The following SLC30A9 variants were observed in gnomAD, a reference collection of about 807,000 sequenced individuals.
SLC30A9 encodes proton-coupled zinc antiporter SLC30A9, mitochondrial.
In SLC30A9, 58 loss-of-function variants were observed where a neutral mutation model predicts 87.5. The observed-to-expected ratio is 0.66, with a 90% confidence interval of 0.54 to 0.82. The LOEUF is 0.82. Ranked by LOEUF, SLC30A9 falls within the 40% of genes least tolerant of loss-of-function variation. The pLI is 0.00. For missense variants in SLC30A9, 557 were observed against 679.1 expected (o/e 0.82, Z 2.00); for synonymous variants, 234 against 233.0 (o/e 1.00, Z -0.04).
chr4:42,076,151 C>T (rs1718542691), intron 16 of SLC30A9, among the ~76,000 whole-genome samples: 2 of 152,012 alleles, frequency 1.3e-5, no homozygotes, highest in Non-Finnish European at 2.9e-5. Context: ...ATATATGAAT[C>T]GAGATCTGCC....
chr4:42,007,432 A>C (rs143574956), intron 2 of SLC30A9, among the ~76,000 whole-genome samples: 6 of 152,160 alleles, frequency 3.9e-5, no homozygotes, highest in Non-Finnish European at 2.9e-5. Flanking sequence ...CAGTGAATCT[A>C]CTAGTCACTG....
At chr4:42,051,534 TAAG>T (rs933591915) in intron 9 of SLC30A9, among the ~76,000 whole-genome samples, 23 of 152,046 alleles carry the variant, frequency 1.5e-4, no homozygotes, top group Middle Eastern at 3.4e-3. Flanking sequence ...AATATGAACA[TAAG>T]AAGATAAATC....
chr4:42,072,684 T>A (rs545315131), intron 15 of SLC30A9, among the ~76,000 whole-genome samples: 1 of 152,166 alleles, frequency 6.6e-6, no homozygotes. Context: ...TTGGATAATA[T>A]TCATGTGCAC....
intron 1 of SLC30A9, among the ~76,000 whole-genome samples, chr4:41,994,565 T>A (rs1392505107): frequency 6.6e-6 from 1 of 151,754 alleles, no homozygotes; most frequent in Non-Finnish European, 1.5e-5. Flanking sequence ...TATTATTGTC[T>A]CCAATCTGCT....
chr4:42,023,445 T>C (rs1330068108), intron 6 of SLC30A9, 61 bp downstream of exon 6: 2 of 1,099,830 alleles, frequency 1.8e-6, no homozygotes, highest in Non-Finnish European at 2.8e-6. Flanking sequence ...GAGAACTGTA[T>C]CTGTAAGAAC....
At chr4:42,072,839 G>C (rs1329620620) in intron 15 of SLC30A9, among the ~76,000 whole-genome samples, 3 of 121,586 alleles carry the variant, frequency 2.5e-5, no homozygotes, top group Non-Finnish European at 5.3e-5. Flanking sequence ...TTTAGATGGA[G>C]TTTTGTTCTT....
Position 42,001,612 on chromosome 4 carries a change from T to C in SLC30A9, c.110-4T>C. 1 of 1,567,106 alleles carries C rather than the reference T, an allele frequency of 6.4e-7. No individual in the cohort carries two copies. Among genetic ancestry groups the C allele is most frequent in the Non-Finnish European group, 8.7e-7 (1 of 1,149,680 alleles). ...AATTAAAGTATATATATTTTTTCTT[T>C]TAGAGTGGCAGAATTTAGTGACATT... On this transcript the variant is annotated splice_polypyrimidine_tract_variant and splice_region_variant and intron_variant, in intron 1 of 17. Coordinates refer to ENST00000264451, the MANE Select transcript of SLC30A9 (RefSeq NM_006345.4).
intron 2 of SLC30A9, among the ~76,000 whole-genome samples, chr4:42,015,359 A>T (rs1414145494): frequency 6.6e-6 from 1 of 152,158 alleles, no homozygotes; most frequent in Non-Finnish European, 1.5e-5. Flanking sequence ...AATCTAAGAG[A>T]TGGAGACGGC....
intron 1 of SLC30A9, among the ~76,000 whole-genome samples, chr4:41,991,746 C>G (rs1714450960): frequency 6.6e-6 from 1 of 152,092 alleles, no homozygotes; most frequent in Admixed American, 6.6e-5. Flanking sequence ...AGTGAGCTGT[C>G]TGTAAAAACA....
intron 9 of SLC30A9, among the ~76,000 whole-genome samples, chr4:42,054,031 A>G (rs1717499205): frequency 6.6e-6 from 1 of 152,170 alleles, no homozygotes. Context: ...TATATGTTTC[A>G]AGGGTATGTG....
intron 12 of SLC30A9, among the ~76,000 whole-genome samples, chr4:42,066,319 T>C (rs1253851470): frequency 6.6e-6 from 1 of 152,208 alleles, no homozygotes; most frequent in Non-Finnish European, 1.5e-5. Context: ...AGCTCTTCAA[T>C]AAACTAAAGC....
chr4:41,991,937 A>G (rs1199269776), intron 1 of SLC30A9, among the ~76,000 whole-genome samples: 1 of 152,178 alleles, frequency 6.6e-6, no homozygotes, highest in Non-Finnish European at 1.5e-5. Context: ...AAACGGATAA[A>G]TTTTAACAGC....
At chr4:42,026,201 G>A (rs1253409112) in intron 6 of SLC30A9, among the ~76,000 whole-genome samples, 2 of 152,164 alleles carry the variant, frequency 1.3e-5, no homozygotes, top group Non-Finnish European at 2.9e-5. Context: ...TTCAATGGAA[G>A]AAATACATAC....
chr4:42,070,453 C>A, intron 14 of SLC30A9, 73 bp from the exon 15 acceptor site: 2 of 1,182,006 alleles, frequency 1.7e-6, no homozygotes, highest in South Asian at 1.8e-5. Context: ...CGTTCTGGTT[C>A]TTTGCTCTCT....
At chr4:42,075,039 ATATATATATATATATATATATTTTTTT>A (rs1339237200) in intron 15 of SLC30A9, among the ~76,000 whole-genome samples, 5 of 10,158 alleles carry the variant, frequency 4.9e-4, no homozygotes, top group African/African-American at 1.6e-3. Context: ...ATATATATAT[ATATATATATATATATATATATTTTTTT>A]TTTTTTTTTT....
At chr4:42,002,604 A>G (rs1189332957) in intron 2 of SLC30A9, among the ~76,000 whole-genome samples, 1 of 152,092 alleles carries the variant, frequency 6.6e-6, no homozygotes, top group Admixed American at 6.6e-5. Context: ...AAAGGACATA[A>G]TTCATTCCTT....
chr4:42,078,095 A>T, intron 16 of SLC30A9, 117 bp from the exon 17 acceptor site: 1 of 564,268 alleles, frequency 1.8e-6, no homozygotes, highest in South Asian at 2.5e-5. Flanking sequence ...TTAAAGTTTT[A>T]AAAATGTTCA....
chr4:42,030,938 T>G (rs1236066809), intron 6 of SLC30A9, among the ~76,000 whole-genome samples: 9 of 152,218 alleles, frequency 5.9e-5, no homozygotes, highest in Non-Finnish European at 1.5e-5. Flanking sequence ...CTTTCCTTTT[T>G]TCCTTTCTGG....
At chr4:42,068,486 CCTCCCACCTTGGCCT>C (rs1718175549) in intron 14 of SLC30A9, among the ~76,000 whole-genome samples, 1 of 151,800 alleles carries the variant, frequency 6.6e-6, no homozygotes, top group Non-Finnish European at 1.5e-5. Flanking sequence ...CGGGGGTGAT[CCTCCCACCTTGGCCT>C]CCCAAAGTGC....
Sources: gnomAD v4.1 joint callset for allele counts (sites outside exome capture counted in the v4.1 genomes callset) on GRCh38, gnomAD v4.1.1 for gene constraint, MANE v1.5 for transcripts, NCBI Gene and HGNC (gene_info 2026-07-23, HGNC 2026-07-21) for gene names.